MYO3A: variants seen among roughly 807,000 people sequenced by gnomAD.
The protein encoded by MYO3A is myosin IIIA.
In MYO3A, 180 loss-of-function variants were observed where a neutral mutation model predicts 192.7. The ratio of observed to expected loss-of-function variants is 0.93; its 90% confidence interval spans 0.83 to 1.06. MYO3A has a LOEUF of 1.06. MYO3A is among the 50% of genes least tolerant of loss of function. The pLI, the probability that MYO3A is intolerant of heterozygous loss-of-function variation, is 0.00. For missense variants in MYO3A, 1,896 were observed against 1,905.0 expected, an observed-to-expected ratio of 1.00 and a Z score of 0.09; for synonymous variants, 628 against 645.3, an observed-to-expected ratio of 0.97 and a Z score of 0.41.
chr10:26,171,252 A>G (rs1040243785), intron 29 of MYO3A, among the ~76,000 whole-genome samples: 1 of 152,160 alleles, frequency 6.6e-6, no homozygotes, highest in East Asian at 1.9e-4. Context: ...AACTGAGTAC[A>G]TGGTCATCCA....
intron 14 of MYO3A, among the ~76,000 whole-genome samples, chr10:26,087,616 A>G (rs1345437286): frequency 6.6e-6 from 1 of 152,216 alleles, no homozygotes; most frequent in Non-Finnish European, 1.5e-5. Flanking sequence ...AAGAAGAAAA[A>G]TGGAACATAC....
intron 4 of MYO3A, among the ~76,000 whole-genome samples, chr10:25,990,358 T>C (rs944527501): frequency 6.6e-6 from 1 of 152,110 alleles, no homozygotes; most frequent in Non-Finnish European, 1.5e-5. Flanking sequence ...AAATGGTATA[T>C]AACTGTTTTG....
intron 32 of MYO3A, among the ~76,000 whole-genome samples, chr10:26,195,834 C>A (rs1400317201): frequency 6.6e-6 from 1 of 152,170 alleles, no homozygotes; most frequent in Non-Finnish European, 1.5e-5. Context: ...CCGAAGAAGC[C>A]CATACTTCCC....
intron 4 of MYO3A, among the ~76,000 whole-genome samples, chr10:25,995,387 A>G (rs971495193): frequency 2.0e-5 from 3 of 152,058 alleles, no homozygotes; most frequent in African/African-American, 7.2e-5. Flanking sequence ...TGCATTGGTT[A>G]TTCTAGTTAG....
chr10:26,034,028 G>C (rs778269324), intron 10 of MYO3A, among the ~76,000 whole-genome samples: 1 of 152,072 alleles, frequency 6.6e-6, no homozygotes, highest in Non-Finnish European at 1.5e-5. Context: ...CTGTGTCCAT[G>C]ACAGCCCACA....
chr10:26,133,738 C>T (rs935216578), intron 20 of MYO3A, among the ~76,000 whole-genome samples: 2 of 152,090 alleles, frequency 1.3e-5, no homozygotes, highest in African/African-American at 2.4e-5. Flanking sequence ...GGGCCACTGG[C>T]GTGTACCACC....
intron 4 of MYO3A, among the ~76,000 whole-genome samples, chr10:25,988,472 A>G (rs187711379): frequency 2.1e-3 from 321 of 152,338 alleles, no homozygotes; most frequent in African/African-American, 7.1e-3. Flanking sequence ...ACTCTCATAC[A>G]CTGCTAGAGG....
intron 32 of MYO3A, among the ~76,000 whole-genome samples, chr10:26,194,546 A>G (rs1421138790): frequency 6.6e-6 from 1 of 152,182 alleles, no homozygotes; most frequent in African/African-American, 2.4e-5. Context: ...GAGAACCCAG[A>G]GGATGTGTTG....
intron 31 of MYO3A, among the ~76,000 whole-genome samples, chr10:26,192,008 C>G (rs930568465): frequency 1.3e-5 from 2 of 152,280 alleles, no homozygotes; most frequent in Admixed American, 1.3e-4. Context: ...CCATACCCAA[C>G]TCACACTTGT....
chr10:25,955,484 G>A (rs975004889), intron 4 of MYO3A, among the ~76,000 whole-genome samples: 4 of 152,080 alleles, frequency 2.6e-5, no homozygotes, highest in African/African-American at 7.2e-5. Flanking sequence ...ATATTTACAG[G>A]GAAGAAAACT....
At chr10:26,115,232 C>T (rs1838429751) in intron 17 of MYO3A, among the ~76,000 whole-genome samples, 2 of 152,110 alleles carry the variant, frequency 1.3e-5, no homozygotes, top group African/African-American at 4.8e-5. Context: ...GAAGACGGAT[C>T]GGCGAGTGGC....
Position 26,211,984 on chromosome 10 carries a change from C to G in MYO3A, c.*21C>G, listed in dbSNP as rs1332900327. The G allele has an allele frequency of 6.2e-7, 1 of 1,607,180 alleles. No homozygotes were observed. Among genetic ancestry groups the G allele is most frequent in the African/African-American group, 1.3e-5 (1 of 74,934 alleles). Reference sequence around the variant, plus strand: ...CCTAACCGTTCAACGAGGCAGTCACCGCCGTCGGAAGGCGCTGGAGCCTGC... The same window carrying G: ...CCTAACCGTTCAACGAGGCAGTCACGGCCGTCGGAAGGCGCTGGAGCCTGC... On this transcript the variant is annotated 3_prime_UTR_variant, in exon 35 of 35. Coordinates refer to ENST00000642920, the MANE Select transcript of MYO3A (RefSeq NM_017433.5).
intron 4 of MYO3A, among the ~76,000 whole-genome samples, chr10:25,959,937 G>A (rs765675702): frequency 2.2e-4 from 33 of 151,686 alleles, no homozygotes; most frequent in South Asian, 6.2e-4. Flanking sequence ...CTTGCTTTTT[G>A]CCCTGCTCCC....
intron 14 of MYO3A, among the ~76,000 whole-genome samples, chr10:26,082,756 T>TTCTCTC (rs59341701): frequency 1.3e-5 from 2 of 149,584 alleles, no homozygotes; most frequent in African/African-American, 4.9e-5. Flanking sequence ...CTCTCTCTTT[T>TTCTCTC]TCTCTCTCTC....
At chr10:26,163,491 G>A (rs1426996818) in intron 26 of MYO3A, among the ~76,000 whole-genome samples, 1 of 152,316 alleles carries the variant, frequency 6.6e-6, no homozygotes, top group Middle Eastern at 3.4e-3. Context: ...ATTCAATTAA[G>A]GTAATGGCAG....
intron 14 of MYO3A, 29 bp from the exon 15 acceptor site, chr10:26,088,174 T>A: frequency 6.6e-7 from 1 of 1,506,400 alleles, no homozygotes; most frequent in Non-Finnish European, 9.0e-7. Flanking sequence ...TTTTATGTTT[T>A]TAAAAATATC....
chr10:26,096,588 T>G lies in MYO3A; in HGVS notation c.1682T>G (p.Leu561Arg). 6.2e-7 allele frequency: 1 copy of G among 1,604,552 alleles called. No individual in the cohort carries two copies. Among genetic ancestry groups the G allele is most frequent in the Non-Finnish European group, 8.5e-7 (1 of 1,171,468 alleles). The change falls in exon 17 of 35, where the codon CTC becomes CGC. Residue 561 changes from leucine to arginine, a missense_variant. Physicochemically the swap from Leu to Arg is moderately radical, Grantham distance 102 (BLOSUM62 -2). Coordinates refer to ENST00000642920, the MANE Select transcript of MYO3A (RefSeq NM_017433.5). ...TTTAGGTACCTACAAAATGACCACC[T>G]CAGAACAGTACAAGACATCATGAAT... ...KPPRYLQNDH[L>R]RTVQDIMNNS...
intron 4 of MYO3A, among the ~76,000 whole-genome samples, chr10:25,962,772 CG>C (rs1263880264): frequency 7.2e-5 from 11 of 152,052 alleles, no homozygotes; most frequent in Admixed American, 5.9e-4. Flanking sequence ...CTACCTGAAC[CG>C]GGAGACCGTA....
At chr10:25,988,920 A>C (rs531637979) in intron 4 of MYO3A, among the ~76,000 whole-genome samples, 3 of 150,580 alleles carry the variant, frequency 2.0e-5, no homozygotes, top group Non-Finnish European at 4.4e-5. Context: ...TTAGAAGTTT[A>C]AAACACAGCC....
Sources: allele counts gnomAD v4.1 joint callset (sites outside exome capture counted in the v4.1 genomes callset), GRCh38; gene constraint gnomAD v4.1.1; transcripts MANE v1.5; gene names NCBI Gene and HGNC (gene_info 2026-07-23, HGNC 2026-07-21).